Variants in FRMD4B observed in about 807,000 individuals in gnomAD.
FRMD4B encodes the protein FERM domain-containing protein 4B.
A neutral mutation model predicts 141.5 loss-of-function variants in FRMD4B; 74 were observed. The observed-to-expected ratio is 0.52, with a 90% CI of 0.43 to 0.63. The LOEUF is 0.63. Among genes scored for constraint, FRMD4B ranks in the 30% least tolerant of loss-of-function variants. The probability of loss-of-function intolerance (pLI) is 0.00; values close to 1 mark genes in which losing one functional copy is unlikely to be tolerated. For missense variants in FRMD4B, 1,366 were observed against 1,253.4 expected, an observed-to-expected ratio of 1.09 and a Z score of -1.36; for synonymous variants, 506 against 467.9, an observed-to-expected ratio of 1.08 and a Z score of -1.05.
At chr3:69,301,731 A>T (rs1345394753) in intron 4 of FRMD4B, among the ~76,000 whole-genome samples, 1 of 152,266 alleles carries the variant, frequency 6.6e-6, no homozygotes, top group Non-Finnish European at 1.5e-5. Flanking sequence ...AGCTGAATGC[A>T]TCCATTTCAG....
chr3:69,479,353 C>A (rs1291528801), intron 1 of FRMD4B, among the ~76,000 whole-genome samples: 1 of 151,864 alleles, frequency 6.6e-6, no homozygotes, highest in Non-Finnish European at 1.5e-5. Context: ...ACCGGTTGTT[C>A]CTTTCCATGT....
intron 1 of FRMD4B, among the ~76,000 whole-genome samples, chr3:69,360,444 C>T (rs1421585729): frequency 6.6e-6 from 1 of 151,986 alleles, no homozygotes; most frequent in African/African-American, 2.4e-5. Context: ...TTCAAATATC[C>T]AATTATCTGA....
At chr3:69,537,704 C>T (rs529638889) in intron 1 of FRMD4B, among the ~76,000 whole-genome samples, 1 of 152,316 alleles carries the variant, frequency 6.6e-6, no homozygotes, top group South Asian at 2.1e-4. Flanking sequence ...AAAGTGACAG[C>T]TAAGGTTTTC....
chr3:69,246,387 G>C (rs2093426049), intron 7 of FRMD4B, among the ~76,000 whole-genome samples: 1 of 152,074 alleles, frequency 6.6e-6, no homozygotes, highest in Non-Finnish European at 1.5e-5. Flanking sequence ...GCCAGGAGGT[G>C]GAGGTTATAG....
At chr3:69,485,630 G>T (rs933956566) in intron 1 of FRMD4B, among the ~76,000 whole-genome samples, 3 of 152,226 alleles carry the variant, frequency 2.0e-5, no homozygotes, top group Non-Finnish European at 2.9e-5. Context: ...GCTCCATGGA[G>T]CATGGCACCT....
intron 7 of FRMD4B, among the ~76,000 whole-genome samples, chr3:69,229,137 C>T (rs535516385): frequency 1.3e-5 from 2 of 151,760 alleles, no homozygotes; most frequent in East Asian, 3.9e-4. Context: ...GTGATCCTCC[C>T]CGCTCAGCCT....
At chr3:69,326,726 G>A (rs185494702) in intron 1 of FRMD4B, among the ~76,000 whole-genome samples, 5 of 152,180 alleles carry the variant, frequency 3.3e-5, no homozygotes, top group Non-Finnish European at 5.9e-5. Flanking sequence ...GAAAAATCAG[G>A]GTATATATCT....
chr3:69,343,834 C>G (rs562702426), intron 1 of FRMD4B, among the ~76,000 whole-genome samples: 2 of 152,242 alleles, frequency 1.3e-5, no homozygotes, highest in South Asian at 4.1e-4. Context: ...CCCACCTCAG[C>G]CTCCCAAAGT....
chr3:69,330,340 CTTTTTTTTTTTTT>C (rs34238889), intron 1 of FRMD4B, among the ~76,000 whole-genome samples: 10 of 42,932 alleles, frequency 2.3e-4, no homozygotes, highest in Non-Finnish European at 3.8e-4. Flanking sequence ...ATTCTTTTGC[CTTTTTTTTTTTTT>C]TTTTTTTTTT....
intron 1 of FRMD4B, among the ~76,000 whole-genome samples, chr3:69,506,397 T>A (rs1014608516): frequency 1.3e-5 from 2 of 151,734 alleles, no homozygotes; most frequent in African/African-American, 2.4e-5. Flanking sequence ...GATGAGAAAG[T>A]GGAGGCATAG....
intron 5 of FRMD4B, among the ~76,000 whole-genome samples, chr3:69,260,274 C>T (rs1185813374): frequency 3.3e-5 from 5 of 152,114 alleles, no homozygotes; most frequent in African/African-American, 7.2e-5. Context: ...GAGGGAGAGG[C>T]GCCAGCGGGA....
intron 2 of FRMD4B, among the ~76,000 whole-genome samples, chr3:69,429,461 G>A (rs763247804): frequency 7.9e-5 from 12 of 152,078 alleles, no homozygotes; most frequent in Non-Finnish European, 1.5e-4. Context: ...CATAGGTGAC[G>A]AGCATGGTTA....
chr3:69,479,081 A>AT (rs1706064995), intron 1 of FRMD4B, among the ~76,000 whole-genome samples: 1 of 135,538 alleles, frequency 7.4e-6, no homozygotes, highest in Non-Finnish European at 1.5e-5. Context: ...CCATCCTTTT[A>AT]TTTTGAGCCT....
At chr3:69,530,997 G>A (rs1277063593) in intron 1 of FRMD4B, among the ~76,000 whole-genome samples, 1 of 152,184 alleles carries the variant, frequency 6.6e-6, no homozygotes, top group South Asian at 2.1e-4. Context: ...AGAAATAGAA[G>A]AAGTATAACT....
rs369397673 is a variant in FRMD4B, at chr3:69,510,678, G to C, written c.-129+31528C>G. On this transcript the variant is annotated intron_variant, in intron 1 of 5. Transcript: ENST00000459638. ...CAAGCCAAAGGTGTTGATGACCACA[G>C]CAGGCAGGCTCACACTTACTAATAC... Among the ~76,000 whole-genome samples, 391 of 152,292 alleles carry C rather than the reference G, an allele frequency of 2.6e-3. 2 individuals are homozygous for C. The highest frequency in any genetic ancestry group is 8.8e-3 in the African/African-American group (367 of 41,562).
chr3:69,479,862 G>T (rs1001029735), intron 1 of FRMD4B, among the ~76,000 whole-genome samples: 9 of 152,134 alleles, frequency 5.9e-5, no homozygotes, highest in African/African-American at 1.9e-4. Context: ...CGTAGATTTG[G>T]TCTTTTCACA....
At chr3:69,407,638 C>A (rs1029927583) in intron 2 of FRMD4B, among the ~76,000 whole-genome samples, 3 of 152,154 alleles carry the variant, frequency 2.0e-5, no homozygotes, top group African/African-American at 7.2e-5. Flanking sequence ...GTCCACTGGG[C>A]CAGGGATGGA....
intron 1 of FRMD4B, among the ~76,000 whole-genome samples, chr3:69,368,862 T>G (rs544937089): frequency 1.3e-5 from 2 of 152,172 alleles, no homozygotes; most frequent in African/African-American, 4.8e-5. Flanking sequence ...GGTTTGACCA[T>G]GTTGCCCAGG....
intron 2 of FRMD4B, among the ~76,000 whole-genome samples, chr3:69,421,005 GC>G (rs1204483444): frequency 6.6e-6 from 1 of 152,098 alleles, no homozygotes; most frequent in Non-Finnish European, 1.5e-5. Context: ...TCCCTCCCAC[GC>G]CCTCACTCCC....
Sources: gnomAD v4.1 joint callset for allele counts (sites outside exome capture counted in the v4.1 genomes callset) on GRCh38, gnomAD v4.1.1 for gene constraint, MANE v1.5 for transcripts, NCBI Gene and HGNC (gene_info 2026-07-23, HGNC 2026-07-21) for gene names.